AKT3: variants seen among roughly 807,000 people sequenced by gnomAD.
AKT3 encodes the protein RAC-gamma serine/threonine-protein kinase.
In AKT3, 15 loss-of-function variants were observed where a neutral mutation model predicts 65.3. The ratio of observed to expected loss-of-function variants is 0.23; its 90% CI spans 0.15 to 0.35. The LOEUF is 0.35. Among genes scored for constraint, AKT3 ranks in the 10% least tolerant of loss-of-function variants. The pLI, the probability that AKT3 is intolerant of heterozygous loss-of-function variation, is 1.00. For missense variants in AKT3, 243 were observed against 576.5 expected (o/e 0.42, Z 5.92); for synonymous variants, 206 against 183.8 (o/e 1.12, Z -0.98).
intron 2 of AKT3, among the ~76,000 whole-genome samples, chr1:243,720,110 C>G (rs1686784165): frequency 6.6e-6 from 1 of 152,022 alleles, no homozygotes; most frequent in African/African-American, 2.4e-5. Context: ...ATCAGGAGGT[C>G]AAGACCAGCC....
chr1:243,725,308 G>A (rs1687144166), intron 2 of AKT3, among the ~76,000 whole-genome samples: 1 of 152,160 alleles, frequency 6.6e-6, no homozygotes, highest in Admixed American at 6.5e-5. Flanking sequence ...ATGGTGACAA[G>A]GGAAGACAAG....
chr1:243,659,089 T>TA (rs34578443), intron 4 of AKT3, among the ~76,000 whole-genome samples: 1 of 151,948 alleles, frequency 6.6e-6, no homozygotes, highest in African/African-American at 2.4e-5. Context: ...TATTCAGCCT[T>TA]AAAAAAGAAG....
chr1:243,706,874 C>T (rs545182274), intron 2 of AKT3, among the ~76,000 whole-genome samples: 11 of 152,100 alleles, frequency 7.2e-5, no homozygotes, highest in Non-Finnish European at 1.3e-4. Context: ...CTGGGACAAG[C>T]TAGTAAAGGA....
intron 3 of AKT3, among the ~76,000 whole-genome samples, chr1:243,673,605 T>C (rs940568559): frequency 6.9e-6 from 1 of 145,750 alleles, no homozygotes; most frequent in African/African-American, 2.5e-5. Context: ...GAAAAATAAT[T>C]ATGAGATTTT....
intron 5 of AKT3, among the ~76,000 whole-genome samples, chr1:243,642,839 A>G (rs1220268142): frequency 6.6e-6 from 1 of 152,222 alleles, no homozygotes; most frequent in African/African-American, 2.4e-5. Flanking sequence ...TCTAGCCCAC[A>G]AATTAGATTA....
intron 13 of AKT3, chr1:243,488,895 A>G: frequency 6.9e-7 from 1 of 1,443,268 alleles, no homozygotes; most frequent in Non-Finnish European, 9.6e-7. Context: ...CCTCAGGGTC[A>G]CCCTAGGCGT....
At chr1:243,497,678 TTTTAC>T (rs1668373677), downstream of AKT3, among the ~76,000 whole-genome samples, 2 of 152,106 alleles carry the variant, frequency 1.3e-5, no homozygotes, top group African/African-American at 2.4e-5. Context: ...CCGCAACACA[TTTTAC>T]TTTTACTTCA....
intron 2 of AKT3, among the ~76,000 whole-genome samples, chr1:243,752,745 T>C (rs988845803): frequency 3.3e-5 from 5 of 152,302 alleles, no homozygotes; most frequent in African/African-American, 1.2e-4. Context: ...CAGAGAACAA[T>C]TATATAAATA....
intron 12 of AKT3, among the ~76,000 whole-genome samples, chr1:243,532,007 C>T (rs986934440): frequency 2.0e-5 from 3 of 152,118 alleles, no homozygotes; most frequent in African/African-American, 7.2e-5. Context: ...AAGTGTGGCA[C>T]GTGTGTGTGT....
chr1:243,605,536 G>T (rs551165551), intron 8 of AKT3, among the ~76,000 whole-genome samples: 74 of 152,282 alleles, frequency 4.9e-4, no homozygotes, highest in Non-Finnish European at 8.7e-4. Flanking sequence ...TTGAGAAAAA[G>T]AGCAGAATAA....
chr1:243,812,673 C>T (rs1267741605), intron 2 of AKT3, among the ~76,000 whole-genome samples: 4 of 152,220 alleles, frequency 2.6e-5, no homozygotes, highest in South Asian at 2.1e-4. Context: ...TTAGTGGGTA[C>T]ATACCCAAAG....
At chr1:243,620,669 T>C (rs1678678530) in intron 6 of AKT3, among the ~76,000 whole-genome samples, 1 of 152,172 alleles carries the variant, frequency 6.6e-6, no homozygotes, top group African/African-American at 2.4e-5. Context: ...GACTGTCTTC[T>C]GTTCCTTGAT....
At chr1:243,793,624 T>C (rs1055066002) in intron 2 of AKT3, 1 of 151,870 alleles carries the variant, frequency 6.6e-6, no homozygotes, top group Non-Finnish European at 1.5e-5. Context: ...AAAATAAAAT[T>C]AGCCAGACAC....
At chr1:243,520,949 G>A (rs1670682852) in intron 12 of AKT3, among the ~76,000 whole-genome samples, 1 of 152,220 alleles carries the variant, frequency 6.6e-6, no homozygotes, top group African/African-American at 2.4e-5. Context: ...GGTTGTTAGA[G>A]TAAGTCACAT....
In AKT3 at chr1:243,552,592, A is replaced by G. The variant is rs998554157; in HGVS notation, c.1163+137T>C. The G allele has an allele frequency of 8.9e-6, 7 of 789,980 alleles. No individual in the cohort carries two copies. In the African/African-American group the frequency reaches 1.1e-4, roughly 12 times the overall value. 48.9% of individuals were successfully genotyped at this position (789,980 alleles called of 1,614,324 possible). The stretch of plus-strand genomic sequence containing the variant: ...AATGTTCTATATTATGCAGTTAAAA[A>G]TAAGTCAGGATCTCAGTGGGAAGAT... On this transcript the variant is annotated intron_variant, in intron 11 of 13. Transcript: ENST00000673466.
Position 243,833,627 on chromosome 1 carries a change from C to CA in AKT3, c.46+9497dup, listed in dbSNP as rs1429396181. ...AATGGCACATGACTATATAAGGAAA[C>CA]AGCAAGTCAAAATAACAACAGGTGA... On this transcript the variant is annotated intron_variant, in intron 2 of 13. Transcript: ENST00000673466. Among the ~76,000 whole-genome samples, 3 of 152,024 alleles carry CA rather than the reference C, an allele frequency of 2.0e-5. 1 individual carries two copies. The highest frequency in any genetic ancestry group is 7.2e-5 in the African/African-American group (3 of 41,398).
At chr1:243,679,004 C>T (rs752750604) in intron 3 of AKT3, among the ~76,000 whole-genome samples, 1 of 152,100 alleles carries the variant, frequency 6.6e-6, no homozygotes, top group Non-Finnish European at 1.5e-5. Flanking sequence ...AAGACTAACG[C>T]CTTCTCTTTC....
chr1:243,553,877 C>A (rs947041522), intron 10 of AKT3, among the ~76,000 whole-genome samples: 1 of 152,086 alleles, frequency 6.6e-6, no homozygotes, highest in African/African-American at 2.4e-5. Context: ...TATTTTAAAA[C>A]TATATTTGAT....
intron 8 of AKT3, among the ~76,000 whole-genome samples, chr1:243,591,260 A>G (rs1249662052): frequency 6.6e-6 from 1 of 152,224 alleles, no homozygotes; most frequent in African/African-American, 2.4e-5. Context: ...AAAATATTTC[A>G]TGTTCTCACA....
Sources: allele counts gnomAD v4.1 joint callset (sites outside exome capture counted in the v4.1 genomes callset), GRCh38; gene constraint gnomAD v4.1.1; transcripts MANE v1.5; gene names NCBI Gene and HGNC (gene_info 2026-07-23, HGNC 2026-07-21).